The following MLIP variants were observed in gnomAD, a reference collection of about 807,000 sequenced individuals.
MLIP encodes the protein muscular LMNA interacting protein, also known as muscular LMNA-interacting protein.
Under a neutral mutation model 84.8 loss-of-function variants are expected in MLIP, and 79 were observed. That is an observed-to-expected ratio of 0.93 (90% CI 0.78 to 1.12). The LOEUF is 1.12. MLIP is among the 50% of genes most tolerant of loss of function. MLIP has a pLI of 0.00. For synonymous variants in MLIP, 504 were observed against 463.0 expected, an observed-to-expected ratio of 1.09 and a Z score of -1.14; for missense variants, 1,257 against 1,160.6, an observed-to-expected ratio of 1.08 and a Z score of -1.21.
chr6:54,202,572 A>G (rs377561704), intron 11 of MLIP, among the ~76,000 whole-genome samples: 5 of 151,798 alleles, frequency 3.3e-5, no homozygotes, highest in East Asian at 3.9e-4. Flanking sequence ...TGGATGGGTC[A>G]TATAGGTGTT....
At chr6:54,133,623 T>C (rs544234390) in intron 3 of MLIP, among the ~76,000 whole-genome samples, 1 of 152,328 alleles carries the variant, frequency 6.6e-6, no homozygotes, top group South Asian at 2.1e-4. Flanking sequence ...TGAATATATA[T>C]ACAGGAGCAG....
intron 1 of MLIP, among the ~76,000 whole-genome samples, chr6:54,081,766 G>T (rs1767174352): frequency 6.6e-6 from 1 of 152,066 alleles, no homozygotes; most frequent in African/African-American, 2.4e-5. Flanking sequence ...CGCCCCAGCA[G>T]ACTTTTGGAT....
At chr6:54,079,114 G>C (rs1766982135) in intron 1 of MLIP, among the ~76,000 whole-genome samples, 1 of 152,166 alleles carries the variant, frequency 6.6e-6, no homozygotes, top group Non-Finnish European at 1.5e-5. Flanking sequence ...GTGTTTTTCT[G>C]AAATTAAACT....
intron 1 of MLIP, among the ~76,000 whole-genome samples, chr6:54,036,689 A>C (rs1201046217): frequency 6.6e-6 from 1 of 152,034 alleles, no homozygotes; most frequent in East Asian, 1.9e-4. Context: ...GTTCCTAAAA[A>C]AATGAAAAAT....
intron 13 of MLIP, chr6:54,261,823 C>T: frequency 1.3e-6 from 1 of 764,408 alleles, no homozygotes; most frequent in South Asian, 5.9e-5. Context: ...CTATTCTTTT[C>T]AGGCAATTTT....
chr6:54,227,628 A>G (rs1780671201), intron 11 of MLIP, among the ~76,000 whole-genome samples: 1 of 152,318 alleles, frequency 6.6e-6, no homozygotes. Flanking sequence ...AATCATCGGA[A>G]ATCAAAATGG....
intron 12 of MLIP, among the ~76,000 whole-genome samples, chr6:54,250,181 A>G (rs933427974): frequency 2.2e-4 from 33 of 152,268 alleles, no homozygotes; most frequent in African/African-American, 7.2e-4. Flanking sequence ...TACCAGTCAG[A>G]ATGGGTATTA....
At chr6:54,031,802 C>T (rs141925908) in intron 1 of MLIP, 1 of 152,326 alleles carries the variant, frequency 6.6e-6, no homozygotes, top group East Asian at 1.9e-4. Context: ...TCCAACTTAA[C>T]CTCATCAGTC....
chr6:54,222,765 G>A (rs1378044247), intron 11 of MLIP, among the ~76,000 whole-genome samples: 1 of 151,928 alleles, frequency 6.6e-6, no homozygotes, highest in South Asian at 2.1e-4. Flanking sequence ...TTTTATGGTA[G>A]CCATATTTTA....
intron 9 of MLIP, among the ~76,000 whole-genome samples, chr6:54,188,822 A>G (rs1256019645): frequency 1.3e-5 from 2 of 152,232 alleles, no homozygotes; most frequent in Non-Finnish European, 2.9e-5. Context: ...ACCAAGGCAC[A>G]TCATAGTGAA....
chr6:54,134,517 CCTTT>C (rs1771646820), intron 3 of MLIP, among the ~76,000 whole-genome samples: 1 of 151,438 alleles, frequency 6.6e-6, no homozygotes, highest in Non-Finnish European at 1.5e-5. Context: ...CTTTTCAGAG[CCTTT>C]CTCTTAGAAG....
chr6:54,065,518 G>T (rs1766190248), intron 1 of MLIP, among the ~76,000 whole-genome samples: 1 of 100,514 alleles, frequency 9.9e-6, no homozygotes, highest in African/African-American at 2.5e-5. Flanking sequence ...AACAGCAGAA[G>T]GGCATTCGAG....
chr6:54,040,112 C>T (rs891731596), intron 1 of MLIP, among the ~76,000 whole-genome samples: 5 of 151,872 alleles, frequency 3.3e-5, no homozygotes, highest in Non-Finnish European at 5.9e-5. Context: ...GACTATTTAC[C>T]TTCTTCATTA....
At chr6:54,206,930 C>G (rs564263623) in intron 11 of MLIP, among the ~76,000 whole-genome samples, 4 of 152,314 alleles carry the variant, frequency 2.6e-5, no homozygotes, top group Admixed American at 6.5e-5. Context: ...GGCCCATATT[C>G]TTCTGTCATA....
intron 11 of MLIP, among the ~76,000 whole-genome samples, chr6:54,207,484 G>A (rs1779118832): frequency 7.3e-6 from 1 of 137,730 alleles, no homozygotes; most frequent in Non-Finnish European, 1.5e-5. Flanking sequence ...TGTAACCTAT[G>A]CTTTAGATTA....
chr6:54,054,626 T>G (rs1447574953), intron 1 of MLIP, among the ~76,000 whole-genome samples: 3 of 152,162 alleles, frequency 2.0e-5, no homozygotes, highest in Non-Finnish European at 4.4e-5. Flanking sequence ...ACTTGCAAGA[T>G]CTCATTGTGA....
chr6:54,263,823 G>T (rs1783534630), intron 13 of MLIP, among the ~76,000 whole-genome samples: 1 of 151,988 alleles, frequency 6.6e-6, no homozygotes, highest in South Asian at 2.1e-4. Context: ...CAAAATAAGT[G>T]TGTTGTTTCA....
chr6:54,255,100 G>A (rs754200605), intron 12 of MLIP, among the ~76,000 whole-genome samples: 1 of 152,016 alleles, frequency 6.6e-6, no homozygotes, highest in African/African-American at 2.4e-5. Flanking sequence ...TCAGTGCCTG[G>A]CTTTTCCCTT....
chr6:54,093,420 A>G (rs1380746459), intron 1 of MLIP, among the ~76,000 whole-genome samples: 1 of 140,098 alleles, frequency 7.1e-6, no homozygotes, highest in African/African-American at 2.6e-5. Flanking sequence ...GTTTTTTAAA[A>G]TGCCAAACAG....
Sources: gnomAD v4.1 joint callset for allele counts (sites outside exome capture counted in the v4.1 genomes callset) on GRCh38, gnomAD v4.1.1 for gene constraint, MANE v1.5 for transcripts, NCBI Gene and HGNC (gene_info 2026-07-23, HGNC 2026-07-21) for gene names.